The following TFB1M variants were observed in gnomAD, a reference collection of about 807,000 sequenced individuals.
TFB1M encodes dimethyladenosine transferase 1, mitochondrial.
Under a neutral mutation model 31.1 loss-of-function variants are expected in TFB1M, and 27 were observed. That is an observed-to-expected ratio of 0.87 (90% CI 0.64 to 1.20). The LOEUF (loss-of-function observed/expected upper bound fraction) is 1.20. TFB1M is among the 50% of genes most tolerant of loss of function. The probability of loss-of-function intolerance (pLI) is 0.00; values close to 1 mark genes in which losing one functional copy is unlikely to be tolerated. For synonymous variants in TFB1M, 166 were observed against 151.8 expected (o/e 1.09, Z -0.69); for missense variants, 394 against 418.7 (o/e 0.94, Z 0.51).
chr6:155,301,062 C>T (rs1266065146), intron 2 of TFB1M, among the ~76,000 whole-genome samples: 1 of 152,204 alleles, frequency 6.6e-6, no homozygotes, highest in Non-Finnish European at 1.5e-5. Context: ...GCCTTGGCCT[C>T]CCAAAGTGCT....
Position 155,256,640 on chromosome 6 carries a change from A to C in TFB1M, c.*1196T>G. The C allele has an allele frequency of 6.2e-7, 1 of 1,614,230 alleles. No homozygotes were observed. The highest frequency in any genetic ancestry group is 8.5e-7 in the Non-Finnish European group (1 of 1,180,048). ...ACGGCTGAGGGCAGGCAGGACTCCA[A>C]GAGCACTTCTCCCGGGAAATACCCA... On this transcript the variant is annotated 3_prime_UTR_variant, in exon 7 of 7. Coordinates refer to ENST00000367166, the MANE Select transcript of TFB1M (RefSeq NM_016020.4).
At chr6:155,273,231 T>C (rs537268077) in intron 5 of TFB1M, among the ~76,000 whole-genome samples, 48 of 152,344 alleles carry the variant, frequency 3.2e-4, no homozygotes, top group African/African-American at 9.9e-4. Flanking sequence ...GAAAAGAAAC[T>C]GTATGATAGC....
intron 2 of TFB1M, among the ~76,000 whole-genome samples, chr6:155,305,724 T>TATATATAA (rs1554257639): frequency 1.0e-4 from 2 of 19,360 alleles, no homozygotes; most frequent in African/African-American, 2.7e-4. Flanking sequence ...TATATATTTA[T>TATATATAA]ATATATATTA....
At chr6:155,254,941 AGGG>A, downstream of TFB1M, 2 of 174,788 alleles carry the variant, frequency 1.1e-5, no homozygotes, top group South Asian at 1.7e-4. Context: ...CCTTACACAG[AGGG>A]TCTCCACCTT....
At chr6:155,306,901 G>A (rs1777790800) in intron 2 of TFB1M, among the ~76,000 whole-genome samples, 1 of 152,092 alleles carries the variant, frequency 6.6e-6, no homozygotes, top group Non-Finnish European at 1.5e-5. Context: ...TGGGCAGATT[G>A]CTTAAGCCCG....
chr6:155,282,895 T>A (rs1431839781), intron 5 of TFB1M, among the ~76,000 whole-genome samples: 1 of 151,916 alleles, frequency 6.6e-6, no homozygotes, highest in African/African-American at 2.4e-5. Flanking sequence ...GCCCGGCTAA[T>A]TTTTTGTATT....
In TFB1M at chr6:155,311,285, C is replaced by G; in HGVS notation, c.188G>C (p.Gly63Ala). Residue 63 changes from glycine to alanine, a missense_variant, in exon 2 of 7, where the codon GGC becomes GCC. Coordinates refer to ENST00000367166, the MANE Select transcript of TFB1M (RefSeq NM_016020.4). The part of the protein sequence containing the change: ...NLTNAYVYEV[G>A]PGPGGITRSI... ...TCTTGTGATTCCCCCTGGCCCAGGG[C>G]CCACTTCGTAAACATAAGCATTTGT... 1.2e-6 allele frequency: 2 copies of G among 1,613,904 alleles called. No homozygotes were observed. The highest frequency in any genetic ancestry group is 1.7e-6 in the Non-Finnish European group (2 of 1,179,810).
intron 5 of TFB1M, among the ~76,000 whole-genome samples, chr6:155,283,459 T>C (rs1055495122): frequency 9.2e-5 from 14 of 152,200 alleles, no homozygotes; most frequent in Non-Finnish European, 1.8e-4. Flanking sequence ...ATCAAAGACA[T>C]AGCTAGCTTT....
chr6:155,276,008 A>G (rs1785185651), intron 5 of TFB1M: 2 of 1,614,188 alleles, frequency 1.2e-6, no homozygotes, highest in Non-Finnish European at 1.7e-6. Flanking sequence ...GGGGATCTGC[A>G]CTTCCACAGT....
At chr6:155,276,695 G>A in intron 5 of TFB1M, 2 of 235,886 alleles carry the variant, frequency 8.5e-6, no homozygotes, top group Admixed American at 5.2e-5. Flanking sequence ...CTTTCAAACT[G>A]GATTTTATAA....
chr6:155,296,309 G>C (rs1448471124), intron 4 of TFB1M, among the ~76,000 whole-genome samples: 3 of 151,854 alleles, frequency 2.0e-5, no homozygotes, highest in Non-Finnish European at 4.4e-5. Context: ...ACCCAAGCTG[G>C]AGTGCAGTGG....
intron 2 of TFB1M, among the ~76,000 whole-genome samples, chr6:155,304,891 T>C (rs116945276): frequency 0.013 from 1,974 of 151,156 alleles, 21 homozygotes; most frequent in Non-Finnish European, 0.02. Context: ...TAGAACAGAA[T>C]TGGAAGTTCA....
intron 2 of TFB1M, chr6:155,310,928 C>A: frequency 4.5e-6 from 2 of 439,990 alleles, no homozygotes; most frequent in South Asian, 3.0e-5. Flanking sequence ...TCACACAAAA[C>A]AATTAATTTG....
chr6:155,296,277 C>A (rs549006448), intron 4 of TFB1M, among the ~76,000 whole-genome samples: 99 of 151,806 alleles, frequency 6.5e-4, no homozygotes, highest in African/African-American at 2.3e-3. Flanking sequence ...CATGCCCCGC[C>A]GAGACAGAGT....
chr6:155,266,833 C>T (rs1176634342), intron 5 of TFB1M, among the ~76,000 whole-genome samples: 5 of 101,828 alleles, frequency 4.9e-5, no homozygotes, highest in Non-Finnish European at 7.0e-5. Flanking sequence ...GGCGACAGAG[C>T]GAGACTCCGT....
the TFB1M span, chr6:155,249,878 C>T: frequency 6.8e-6 from 11 of 1,612,988 alleles, no homozygotes; most frequent in South Asian, 1.1e-5. Flanking sequence ...GAGAAAGTAG[C>T]GAGCCACATC....
intron 4 of TFB1M, among the ~76,000 whole-genome samples, chr6:155,286,144 AAAGG>A (rs1347562559): frequency 2.0e-5 from 3 of 152,320 alleles, no homozygotes; most frequent in African/African-American, 7.2e-5. Flanking sequence ...TGCTAACAGA[AAAGG>A]AAGGATCATT....
At chr6:155,245,803 T>C in the TFB1M span, 1 of 1,052,762 alleles carries the variant, frequency 9.5e-7, no homozygotes, top group East Asian at 2.4e-5. Context: ...GGTAAATCTG[T>C]ATTTAACAAG....
chr6:155,241,511 T>C, the TFB1M span, among the ~76,000 whole-genome samples: 1 of 152,174 alleles, frequency 6.6e-6, no homozygotes, highest in African/African-American at 2.4e-5. Flanking sequence ...CCCCCTTCTC[T>C]AAATGTCTTC....
Sources: allele counts gnomAD v4.1 joint callset (sites outside exome capture counted in the v4.1 genomes callset), GRCh38; gene constraint gnomAD v4.1.1; transcripts MANE v1.5; gene names NCBI Gene and HGNC (gene_info 2026-07-23, HGNC 2026-07-21).